ZNF675: variants seen among roughly 807,000 people sequenced by gnomAD.
The protein encoded by ZNF675 is TRAF6 inhibitory zinc finger.
ZNF675 carries 36 observed loss-of-function variants against 56.1 expected under a neutral mutation model. That is an observed-to-expected ratio of 0.64 (90% CI 0.49 to 0.85). ZNF675 has a LOEUF of 0.85. ZNF675 is among the 40% of genes least tolerant of loss of function. ZNF675 has a pLI of 0.00. For missense variants in ZNF675, 663 were observed against 654.2 expected, an observed-to-expected ratio of 1.01 and a Z score of -0.15; for synonymous variants, 200 against 218.9, an observed-to-expected ratio of 0.91 and a Z score of 0.76.
Position 23,654,330 on chromosome 19 carries a change from T to G in ZNF675, c.603A>C (p.Lys201Asn). The G allele has an allele frequency of 6.2e-7, 1 of 1,611,316 alleles. No homozygotes were observed. Among genetic ancestry groups the G allele is most frequent in the Non-Finnish European group, 8.5e-7 (1 of 1,179,186 alleles). The stretch of plus-strand genomic sequence containing the variant: ...TAACAGCTTTTTCACATTCTTCACA[T>G]TTGCAGAAATTCACCTTGGTATAAT... The part of the protein sequence containing the change: ...ERNYTKVNFC[K>N]CEECEKAVNQ... Residue 201 changes from lysine (K) to asparagine (N), a missense_variant, in exon 4 of 4, where the codon AAA (lysine) becomes AAC (asparagine). Physicochemically the swap from Lys to Asn is moderately conservative, Grantham distance 94. Coordinates refer to ENST00000359788, the MANE Select transcript of ZNF675 (RefSeq NM_138330.3).
Position 23,653,011 on chromosome 19 carries a change from T to C in ZNF675, c.*215A>G. 2.2e-6 allele frequency: 1 copy of C among 463,586 alleles called. No homozygotes were observed. Among genetic ancestry groups the C allele is most frequent in the South Asian group, 4.3e-5 (1 of 23,242 alleles). 28.7% of individuals were successfully genotyped at this position (463,586 alleles called of 1,614,324 possible). A position where few individuals can be genotyped will look rare whatever the true frequency, so the allele number is the denominator to read the frequency against. On this transcript the variant is annotated 3_prime_UTR_variant, in exon 4 of 4. Coordinates refer to ENST00000359788, the MANE Select transcript of ZNF675 (RefSeq NM_138330.3). ...TTATATTTGTACAATTTTTCTTAAG[T>C]ATAAACGCTTTCCTGTGCAATAAGG...
At chr19:23,671,730 A>AT (rs1223440334) in intron 1 of ZNF675, among the ~76,000 whole-genome samples, 1 of 151,750 alleles carries the variant, frequency 6.6e-6, no homozygotes, top group Non-Finnish European at 1.5e-5. Context: ...AGTCTAGACT[A>AT]AAAGTTCCCG....
At chr19:23,676,224 CA>C (rs898305559) in intron 1 of ZNF675, among the ~76,000 whole-genome samples, 14 of 151,424 alleles carry the variant, frequency 9.2e-5, no homozygotes, top group Non-Finnish European at 1.6e-4. Context: ...GCCTACCAAC[CA>C]AAAAAAGCCC....
At chr19:23,674,694 T>C (rs1310701904) in intron 1 of ZNF675, among the ~76,000 whole-genome samples, 1 of 149,372 alleles carries the variant, frequency 6.7e-6, no homozygotes, top group African/African-American at 2.5e-5. Context: ...TTTGGTTGGG[T>C]GCAGTGGCTC....
At chr19:23,668,348 G>A (rs1443099654) in intron 1 of ZNF675, among the ~76,000 whole-genome samples, 1 of 149,462 alleles carries the variant, frequency 6.7e-6, no homozygotes, top group Non-Finnish European at 1.5e-5. Flanking sequence ...ACAGAGTGTC[G>A]ATTGGTGCAC....
intron 1 of ZNF675, among the ~76,000 whole-genome samples, chr19:23,666,757 G>A (rs1384245091): frequency 1.4e-5 from 2 of 146,230 alleles, no homozygotes; most frequent in African/African-American, 5.0e-5. Context: ...TTTACATACA[G>A]GGAAGTCTTT....
chr19:23,685,952 G>A (rs1161619766), intron 1 of ZNF675, among the ~76,000 whole-genome samples: 1 of 152,102 alleles, frequency 6.6e-6, no homozygotes, highest in Non-Finnish European at 1.5e-5. Context: ...GCAATTAGAC[G>A]GAGGTTACTC....
intron 1 of ZNF675, among the ~76,000 whole-genome samples, chr19:23,672,783 T>TA: frequency 6.6e-6 from 1 of 152,224 alleles, no homozygotes. Flanking sequence ...GCTTGAGGAT[T>TA]ATAACATGAA....
chr19:23,663,103 C>T lies in ZNF675; in HGVS notation c.59G>A (p.Cys20Tyr), dbSNP rs201240455. The change falls in exon 2 of 4, where the codon TGC becomes TAC. Residue 20 changes from cysteine (C) to tyrosine (Y), a missense_variant. This residue lies in a region of ZNF675 where 33 missense variants were observed against 31.8 expected (regional missense o/e 1.04). Coordinates refer to ENST00000359788, the MANE Select transcript of ZNF675 (RefSeq NM_138330.3). ...TAAATTCCGCTGTGCAGTGTCCAGG[C>T]ATTGCCATTCTTCCAGAGAGAATTC... ...AIEFSLEEWQCLDTAQRNLYK... is the reference protein window; with the variant it reads ...AIEFSLEEWQYLDTAQRNLYK... 3.9e-5 allele frequency: 63 copies of T among 1,610,836 alleles called. No homozygotes were observed. In the East Asian group the frequency reaches 1.3e-3, roughly 33 times the overall value.
At chr19:23,677,249 G>C (rs1169019244) in intron 1 of ZNF675, among the ~76,000 whole-genome samples, 1 of 138,366 alleles carries the variant, frequency 7.2e-6, no homozygotes, top group Non-Finnish European at 1.5e-5. Flanking sequence ...ACTATCCCGG[G>C]TGCAGATGAC....
intron 1 of ZNF675, chr19:23,686,421 G>T (rs1968442872): frequency 6.6e-6 from 1 of 152,190 alleles, no homozygotes; most frequent in Non-Finnish European, 1.5e-5. Flanking sequence ...CCACCTCCCG[G>T]GTTCAAGCGG....
chr19:23,677,914 G>C (rs1471104431), intron 1 of ZNF675, among the ~76,000 whole-genome samples: 1 of 151,612 alleles, frequency 6.6e-6, no homozygotes, highest in Non-Finnish European at 1.5e-5. Flanking sequence ...GAGGTCGGGA[G>C]TTTGAGACTA....
intron 1 of ZNF675, among the ~76,000 whole-genome samples, chr19:23,674,670 T>C (rs1314686391): frequency 1.3e-5 from 2 of 149,888 alleles, no homozygotes; most frequent in African/African-American, 5.0e-5. Context: ...TTTTCAGGTA[T>C]AAAAACAGAG....
intron 1 of ZNF675, among the ~76,000 whole-genome samples, chr19:23,678,634 T>C (rs1234000838): frequency 6.6e-6 from 1 of 151,370 alleles, no homozygotes; most frequent in Non-Finnish European, 1.5e-5. Flanking sequence ...GGCACTTTTC[T>C]AAGCAAAAAT....
intron 1 of ZNF675, among the ~76,000 whole-genome samples, chr19:23,674,511 C>T (rs1293720126): frequency 1.4e-5 from 2 of 147,422 alleles, no homozygotes; most frequent in Non-Finnish European, 3.0e-5. Flanking sequence ...GGCATGGTGG[C>T]GGGCATCTGT....
At chr19:23,677,882 G>A (rs1196341613) in intron 1 of ZNF675, among the ~76,000 whole-genome samples, 1 of 151,658 alleles carries the variant, frequency 6.6e-6, no homozygotes, top group Non-Finnish European at 1.5e-5. Flanking sequence ...CACTTTGGGA[G>A]GCCGAGGCGG....
chr19:23,680,107 G>A (rs1968357529), intron 1 of ZNF675, among the ~76,000 whole-genome samples: 1 of 151,146 alleles, frequency 6.6e-6, no homozygotes, highest in Non-Finnish European at 1.5e-5. Flanking sequence ...AAGAGATCGA[G>A]ACCATCTGGC....
chr19:23,657,506 C>A (rs1005215280), intron 3 of ZNF675, among the ~76,000 whole-genome samples: 5 of 152,206 alleles, frequency 3.3e-5, no homozygotes, highest in African/African-American at 1.2e-4. Flanking sequence ...CACCTGAGGT[C>A]GGGAGTTGGA....
At chr19:23,671,983 A>C (rs1392428394) in intron 1 of ZNF675, among the ~76,000 whole-genome samples, 1 of 152,056 alleles carries the variant, frequency 6.6e-6, no homozygotes, top group Non-Finnish European at 1.5e-5. Context: ...TCAGCCTTAC[A>C]CAATTCTGTT....
Sources: gnomAD v4.1 joint callset for allele counts (sites outside exome capture counted in the v4.1 genomes callset) on GRCh38, gnomAD v4.1.1 for gene constraint, gnomAD v4.1.1 regional missense constraint, MANE v1.5 for transcripts, NCBI Gene and HGNC (gene_info 2026-07-23, HGNC 2026-07-21) for gene names.